The following SLC4A10 variants were observed in gnomAD, a reference collection of about 807,000 sequenced individuals.
SLC4A10 encodes the protein solute carrier family 4 member 10.
Under a neutral mutation model 137.7 loss-of-function variants are expected in SLC4A10, and 42 were observed. The ratio of observed to expected loss-of-function variants is 0.30; its 90% CI spans 0.24 to 0.39. The LOEUF is 0.39. SLC4A10 is among the 10% of genes least tolerant of loss of function. The pLI, the probability that SLC4A10 is intolerant of heterozygous loss-of-function variation, is 1.00. For missense variants in SLC4A10, 925 were observed against 1,355.0 expected (o/e 0.68, Z 4.98); for synonymous variants, 474 against 464.1 (o/e 1.02, Z -0.27).
At chr2:161,909,383 T>A (rs932622137) in intron 15 of SLC4A10, among the ~76,000 whole-genome samples, 1 of 152,228 alleles carries the variant, frequency 6.6e-6, no homozygotes, top group African/African-American at 2.4e-5. Flanking sequence ...CTTTCAAGGC[T>A]GAACATGAAT....
At chr2:161,806,508 T>A (rs985926296) in intron 3 of SLC4A10, among the ~76,000 whole-genome samples, 2 of 152,214 alleles carry the variant, frequency 1.3e-5, no homozygotes, top group South Asian at 4.1e-4. Flanking sequence ...ACTTCTTGAA[T>A]GCTTTGCTGC....
At chr2:161,760,933 ACAC>A (rs2050192586) in intron 1 of SLC4A10, among the ~76,000 whole-genome samples, 1 of 151,974 alleles carries the variant, frequency 6.6e-6, no homozygotes, top group Non-Finnish European at 1.5e-5. Context: ...CCCCACACAC[ACAC>A]CACATGCACA....
intron 1 of SLC4A10, among the ~76,000 whole-genome samples, chr2:161,630,598 C>T (rs1347512907): frequency 1.3e-5 from 2 of 151,640 alleles, no homozygotes; most frequent in East Asian, 1.9e-4. Context: ...AGAACTCAGC[C>T]TAGAGTCCAA....
chr2:161,712,676 C>T (rs2044417962), intron 1 of SLC4A10, among the ~76,000 whole-genome samples: 2 of 151,704 alleles, frequency 1.3e-5, no homozygotes, highest in Admixed American at 1.3e-4. Flanking sequence ...AATGTAAAAA[C>T]ATTTATCTGC....
intron 1 of SLC4A10, among the ~76,000 whole-genome samples, chr2:161,734,455 T>G (rs1331419278): frequency 6.6e-6 from 1 of 152,176 alleles, no homozygotes; most frequent in Non-Finnish European, 1.5e-5. Flanking sequence ...CTTCTTACCA[T>G]GCTTCTGAGG....
chr2:161,782,954 A>T (rs938582221), intron 2 of SLC4A10, among the ~76,000 whole-genome samples: 1 of 151,654 alleles, frequency 6.6e-6, no homozygotes, highest in African/African-American at 2.4e-5. Flanking sequence ...ATAGCTAAAA[A>T]CTCCCAAGTA....
At chr2:161,938,471 T>C (rs891293351) in intron 15 of SLC4A10, among the ~76,000 whole-genome samples, 20 of 151,338 alleles carry the variant, frequency 1.3e-4, no homozygotes, top group Admixed American at 1.2e-3. Context: ...TGTATAAGAG[T>C]TGATATTTAT....
At chr2:161,806,194 A>T (rs2055929003) in intron 3 of SLC4A10, among the ~76,000 whole-genome samples, 1 of 152,138 alleles carries the variant, frequency 6.6e-6, no homozygotes, top group Admixed American at 6.5e-5. Context: ...CCAAGTCCCT[A>T]GGCTGTACAC....
chr2:161,895,781 T>C (rs995957789), intron 11 of SLC4A10, among the ~76,000 whole-genome samples: 6 of 152,282 alleles, frequency 3.9e-5, no homozygotes, highest in South Asian at 2.1e-4. Context: ...TCTTGTAAAT[T>C]TGTTTGAGTT....
At chr2:161,677,649 T>A (rs1334785198) in intron 1 of SLC4A10, among the ~76,000 whole-genome samples, 2 of 152,180 alleles carry the variant, frequency 1.3e-5, no homozygotes, top group Non-Finnish European at 2.9e-5. Context: ...ATCAAGCACT[T>A]ATTATGCACA....
intron 3 of SLC4A10, among the ~76,000 whole-genome samples, chr2:161,808,889 C>A (rs115137212): frequency 0.013 from 1,975 of 152,192 alleles, 47 homozygotes; most frequent in African/African-American, 0.046. Flanking sequence ...GTGCATGCAT[C>A]TTTTTGGTGG....
chr2:161,703,903 A>G (rs1229804986), intron 1 of SLC4A10, among the ~76,000 whole-genome samples: 1 of 151,628 alleles, frequency 6.6e-6, no homozygotes, highest in Non-Finnish European at 1.5e-5. Flanking sequence ...TATTTGCCAT[A>G]ATAATTAGGA....
chr2:161,796,342 T>C (rs1279252808), intron 2 of SLC4A10, among the ~76,000 whole-genome samples: 2 of 152,188 alleles, frequency 1.3e-5, no homozygotes, highest in Admixed American at 6.6e-5. Context: ...CGCCCGCTTC[T>C]ACAATCAGCT....
intron 16 of SLC4A10, among the ~76,000 whole-genome samples, chr2:161,945,359 T>C (rs1005452753): frequency 1.3e-5 from 2 of 151,156 alleles, no homozygotes; most frequent in Non-Finnish European, 3.0e-5. Flanking sequence ...TGTACATATA[T>C]AAGGGGCAGG....
chr2:161,831,315 G>C (rs1271661616), intron 3 of SLC4A10, among the ~76,000 whole-genome samples: 1 of 151,998 alleles, frequency 6.6e-6, no homozygotes, highest in Non-Finnish European at 1.5e-5. Context: ...TATATGAAAT[G>C]ATTAATATTA....
intron 1 of SLC4A10, among the ~76,000 whole-genome samples, chr2:161,732,152 G>GCATT (rs1318111598): frequency 4.6e-5 from 7 of 152,198 alleles, no homozygotes; most frequent in Admixed American, 1.3e-4. Context: ...AGTTTTTATG[G>GCATT]GAGCTTCATT....
In SLC4A10 at chr2:161,985,247, C is replaced by T. The variant is rs1029067407; in HGVS notation, c.*2095C>T. On this transcript the variant is annotated 3_prime_UTR_variant, in exon 27 of 27. Coordinates refer to ENST00000446997, the MANE Select transcript of SLC4A10 (RefSeq NM_001178015.2). ...ATGTTATGTGGAAATAAATATTTAT[C>T]CTAACTTCCTTGCACATTTTAAATT... 3 of 151,972 alleles carry T rather than the reference C, an allele frequency of 2.0e-5. No homozygotes were observed. Among genetic ancestry groups the T allele is most frequent in the Admixed American group, 1.3e-4 (2 of 15,268 alleles). The allele number at this position is 151,972 out of a possible 1,614,324, so 9.4% of individuals were successfully genotyped here.
At chr2:161,940,709 G>A (rs1036772711) in intron 15 of SLC4A10, among the ~76,000 whole-genome samples, 7 of 152,118 alleles carry the variant, frequency 4.6e-5, no homozygotes, top group Admixed American at 1.3e-4. Flanking sequence ...TGGTAGCTTC[G>A]TGAAAGAGAC....
At chr2:161,767,357 T>C (rs2051022119) in intron 1 of SLC4A10, among the ~76,000 whole-genome samples, 1 of 150,936 alleles carries the variant, frequency 6.6e-6, no homozygotes, top group Admixed American at 6.7e-5. Context: ...TGACTATAAC[T>C]TCTTGTGTTT....
Sources: allele counts gnomAD v4.1 joint callset (sites outside exome capture counted in the v4.1 genomes callset), GRCh38; gene constraint gnomAD v4.1.1; transcripts MANE v1.5; gene names NCBI Gene and HGNC (gene_info 2026-07-23, HGNC 2026-07-21).